Variants in PGAP1 observed in about 807,000 individuals in gnomAD.
PGAP1 encodes post-GPI attachment to proteins inositol deacylase 1, also known as GPI inositol-deacylase.
Under a neutral mutation model 127.0 loss-of-function variants are expected in PGAP1, and 76 were observed. That is an observed-to-expected ratio of 0.60 (90% CI 0.50 to 0.72). PGAP1 has a LOEUF of 0.72. Among genes scored for constraint, PGAP1 ranks in the 30% least tolerant of loss-of-function variants. PGAP1 has a pLI of 0.00. For synonymous variants in PGAP1, 362 were observed against 366.5 expected, an observed-to-expected ratio of 0.99 and a Z score of 0.14; for missense variants, 982 against 1,071.3, an observed-to-expected ratio of 0.92 and a Z score of 1.16.
chr2:196,843,841 T>G (rs1700482353), intron 25 of PGAP1, 47 bp downstream of exon 25: 1 of 1,239,040 alleles, frequency 8.1e-7, no homozygotes, highest in Non-Finnish European at 1.1e-6. Flanking sequence ...CTTAGGGATA[T>G]TTATTGTTTG....
chr2:196,841,454 G>C, intron 26 of PGAP1, 82 bp from the exon 27 acceptor site: 2 of 1,021,942 alleles, frequency 2.0e-6, no homozygotes, highest in Non-Finnish European at 2.8e-6. Flanking sequence ...ATACAGTTTT[G>C]GAAAGATAAA....
chr2:196,894,140 C>G (rs2125820382), intron 7 of PGAP1, among the ~76,000 whole-genome samples: 1 of 152,296 alleles, frequency 6.6e-6, no homozygotes, highest in Non-Finnish European at 1.5e-5. Flanking sequence ...ACACTGCTAT[C>G]TTAGATTGGG....
At chr2:196,849,420 C>T (rs1038930770) in intron 20 of PGAP1, among the ~76,000 whole-genome samples, 12 of 151,400 alleles carry the variant, frequency 7.9e-5, no homozygotes, top group Admixed American at 3.3e-4. Context: ...CGTGCCACCA[C>T]GCCTGGCTAA....
chr2:196,880,171 G>GA lies in PGAP1; in HGVS notation c.1273-19dup. 7.6e-7 allele frequency: 1 copy of GA among 1,311,500 alleles called. No homozygotes were observed. Among genetic ancestry groups the GA allele is most frequent in the Non-Finnish European group, 1.0e-6 (1 of 956,094 alleles). The allele number at this position is 1,311,500 out of a possible 1,614,324, so 81.2% of individuals were successfully genotyped here. ...GTCAGATACTAAAATAAAAAAAAAA[G>GA]AAACTACTTTTATTTCTTAGAGATT... On this transcript the variant is annotated intron_variant, in intron 12 of 26. Coordinates refer to ENST00000354764, the MANE Select transcript of PGAP1 (RefSeq NM_024989.4).
intron 12 of PGAP1, 67 bp downstream of exon 12, chr2:196,885,357 T>C (rs894825784): frequency 9.5e-7 from 1 of 1,049,680 alleles, no homozygotes; most frequent in Non-Finnish European, 1.4e-6. Context: ...AAGAGAATAT[T>C]TTAAAATGTG....
intron 17 of PGAP1, 118 bp from the exon 18 acceptor site, chr2:196,872,667 C>T: frequency 1.4e-6 from 1 of 702,848 alleles, no homozygotes; most frequent in Non-Finnish European, 2.4e-6. Context: ...GTGCCAGACA[C>T]ATAATTGTGG....
chr2:196,851,685 C>A (rs1700726309), intron 20 of PGAP1, among the ~76,000 whole-genome samples: 1 of 151,986 alleles, frequency 6.6e-6, no homozygotes, highest in South Asian at 2.1e-4. Flanking sequence ...TCATATGAGC[C>A]CCTGGAGCTC....
At chr2:196,892,055 G>C (rs932723315) in intron 9 of PGAP1, among the ~76,000 whole-genome samples, 2 of 151,788 alleles carry the variant, frequency 1.3e-5, no homozygotes, top group Non-Finnish European at 2.9e-5. Context: ...AGGGGAGAGT[G>C]GTGGTAAGAG....
intron 11 of PGAP1, 100 bp downstream of exon 11, chr2:196,885,734 G>T: frequency 2.8e-6 from 2 of 719,940 alleles, no homozygotes; most frequent in South Asian, 4.6e-5. Flanking sequence ...ATTTCATATA[G>T]CATCAAAATG....
intron 5 of PGAP1, among the ~76,000 whole-genome samples, chr2:196,901,931 A>C (rs914631537): frequency 3.9e-5 from 6 of 152,220 alleles, no homozygotes; most frequent in Non-Finnish European, 7.3e-5. Flanking sequence ...ACTCTAATCA[A>C]TGAACAGGCT....
chr2:196,854,996 C>T (rs2125785041), intron 20 of PGAP1, among the ~76,000 whole-genome samples: 1 of 151,602 alleles, frequency 6.6e-6, no homozygotes, highest in South Asian at 2.1e-4. Flanking sequence ...GCCTCCTTGC[C>T]CAGGCTGGTC....
Position 196,922,464 on chromosome 2 carries a change from T to TAAAAA in PGAP1, c.148-2319_148-2315dup, listed in dbSNP as rs76844575. 5.7e-6 allele frequency: 4 copies of TAAAAA among 701,092 alleles called. No homozygotes were observed. In the Admixed American group the frequency reaches 2.9e-4, roughly 51 times the overall value. 43.4% of individuals were successfully genotyped at this position (701,092 alleles called of 1,614,324 possible). A position where few individuals can be genotyped will look rare whatever the true frequency, so the allele number is the denominator to read the frequency against. On this transcript the variant is annotated intron_variant, in intron 1 of 26. Coordinates refer to ENST00000354764, the MANE Select transcript of PGAP1 (RefSeq NM_024989.4). ...ATAAGAATAGTTATAGGGGCTCCAT[T>TAAAAA]AAAAAAAAAAAAAAGGCCTTAAGGA...
chr2:196,889,526 A>C (rs1702027295), intron 10 of PGAP1, among the ~76,000 whole-genome samples: 1 of 152,068 alleles, frequency 6.6e-6, no homozygotes, highest in Non-Finnish European at 1.5e-5. Flanking sequence ...GCCAAAAAAA[A>C]AAAAATCAGA....
At chr2:196,860,251 G>A (rs1701021668) in intron 20 of PGAP1, among the ~76,000 whole-genome samples, 1 of 152,112 alleles carries the variant, frequency 6.6e-6, no homozygotes, top group Non-Finnish European at 1.5e-5. Flanking sequence ...AATCAAGAGG[G>A]CTGGGCGCAG....
intron 13 of PGAP1, chr2:196,877,457 T>C (rs1248247850): frequency 1.3e-5 from 2 of 152,110 alleles, no homozygotes; most frequent in African/African-American, 4.8e-5. Flanking sequence ...GCATTACATA[T>C]TTATTAGGCT....
intron 20 of PGAP1, among the ~76,000 whole-genome samples, chr2:196,856,432 T>A (rs759863428): frequency 6.6e-6 from 1 of 152,258 alleles, no homozygotes; most frequent in Non-Finnish European, 1.5e-5. Flanking sequence ...GTTCATTGTT[T>A]TCAAGTTCTT....
intron 5 of PGAP1, among the ~76,000 whole-genome samples, chr2:196,898,596 G>T (rs1702366915): frequency 2.0e-5 from 3 of 151,854 alleles, no homozygotes; most frequent in Non-Finnish European, 4.4e-5. Context: ...ATCACTCCTG[G>T]TTAGTCAAGT....
At chr2:196,913,434 C>G (rs1004733413) in intron 3 of PGAP1, among the ~76,000 whole-genome samples, 2 of 152,046 alleles carry the variant, frequency 1.3e-5, no homozygotes, top group Non-Finnish European at 1.5e-5. Context: ...AAATATCACC[C>G]AAAAAAGGCC....
Position 196,873,065 on chromosome 2 carries a change from T to C in PGAP1, c.1553-39A>G, listed in dbSNP as rs570865202. 2.3e-5 allele frequency: 15 copies of C among 642,122 alleles called. No individual in the cohort carries two copies. In the South Asian group the frequency reaches 2.5e-4, roughly 11 times the overall value. The allele number at this position is 642,122 out of a possible 1,614,324, so 39.8% of individuals were successfully genotyped here. A position where few individuals can be genotyped will look rare whatever the true frequency, so the allele number is the denominator to read the frequency against. On this transcript the variant is annotated intron_variant, in intron 16 of 26. Coordinates refer to ENST00000354764, the MANE Select transcript of PGAP1 (RefSeq NM_024989.4). ...TAAAAAATGTATTATTAACAACATG[T>C]TACCCTAAATGTTACATAAACTACT...
Sources: allele counts gnomAD v4.1 joint callset (sites outside exome capture counted in the v4.1 genomes callset), GRCh38; gene constraint gnomAD v4.1.1; transcripts MANE v1.5; gene names NCBI Gene and HGNC (gene_info 2026-07-23, HGNC 2026-07-21).